The following SLCO1A2 variants were observed in gnomAD, a reference collection of about 807,000 sequenced individuals.
The protein encoded by SLCO1A2 is solute carrier organic anion transporter family member 1A2.
Under a neutral mutation model 69.0 loss-of-function variants are expected in SLCO1A2, and 67 were observed. That is an observed-to-expected ratio of 0.97 (90% CI 0.80 to 1.19). The LOEUF is 1.19. SLCO1A2 is among the 50% of genes most tolerant of loss of function. The pLI is 0.00. For missense variants in SLCO1A2, 787 were observed against 793.7 expected (o/e 0.99, Z 0.10); for synonymous variants, 260 against 265.9 (o/e 0.98, Z 0.22).
intron 2 of SLCO1A2, among the ~76,000 whole-genome samples, chr12:21,330,030 T>C (rs10743411): frequency 0.31 from 47,809 of 151,888 alleles, 7,667 homozygotes; most frequent in East Asian, 0.35. Flanking sequence ...AAAGCACTTA[T>C]TTTTCTTTTA....
At chr12:21,361,328 C>T (rs1591880504) in intron 2 of SLCO1A2, among the ~76,000 whole-genome samples, 1 of 152,334 alleles carries the variant, frequency 6.6e-6, no homozygotes, top group African/African-American at 2.4e-5. Flanking sequence ...AGGGTCCTGA[C>T]TGTTAGAAGG....
chr12:21,374,042 GTTA>G (rs1940002788), intron 2 of SLCO1A2, among the ~76,000 whole-genome samples: 1 of 152,096 alleles, frequency 6.6e-6, no homozygotes, highest in South Asian at 2.1e-4. Flanking sequence ...TTTATAAAAA[GTTA>G]TTCTTCTTAT....
intron 1 of SLCO1A2, among the ~76,000 whole-genome samples, chr12:21,382,806 A>G (rs376617769): frequency 9.2e-5 from 14 of 151,748 alleles, no homozygotes; most frequent in South Asian, 2.1e-4. Flanking sequence ...AAAAAAAAAA[A>G]AAAGAAAGAA....
chr12:21,381,440 G>A (rs1414186444), intron 1 of SLCO1A2, among the ~76,000 whole-genome samples: 1 of 152,046 alleles, frequency 6.6e-6, no homozygotes, highest in African/African-American at 2.4e-5. Context: ...AATCATCAGG[G>A]AAATGCAAAT....
Position 21,275,378 on chromosome 12 carries a change from A to T in SLCO1A2, c.1657T>A (p.Phe553Ile), listed in dbSNP as rs749254239. Residue 553 changes from phenylalanine to isoleucine, a missense_variant, in exon 13 of 15, where the codon TTT becomes ATT. By Grantham distance (21) the Phe-to-Ile change is conservative (BLOSUM62 0). Transcript: ENST00000683939. ...EKSLGVGLHT[F>I]CTRVFAGIPA... ...TTTTTACCAAATACTCTTGTGCAAA[A>T]TGTATGTAATCCCACACCAAGGGAC... 6.4e-7 allele frequency: 1 copy of T among 1,561,442 alleles called. No individual in the cohort carries two copies. The highest frequency in any genetic ancestry group is 1.2e-5 in the South Asian group (1 of 84,248).
chr12:21,316,233 C>T (rs1950845737), intron 3 of SLCO1A2, among the ~76,000 whole-genome samples: 1 of 152,164 alleles, frequency 6.6e-6, no homozygotes, highest in African/African-American at 2.4e-5. Context: ...CAGGGCACTG[C>T]CATTTTCTTC....
chr12:21,311,997 AGG>A (rs1950237516), intron 4 of SLCO1A2, among the ~76,000 whole-genome samples: 1 of 151,206 alleles, frequency 6.6e-6, no homozygotes, highest in Non-Finnish European at 1.5e-5. Context: ...GAAGAGGAGG[AGG>A]AGGAGAAGAA....
intron 2 of SLCO1A2, among the ~76,000 whole-genome samples, chr12:21,365,179 G>T (rs562633474): frequency 6.6e-6 from 1 of 152,238 alleles, no homozygotes. Context: ...AAACAGCATG[G>T]TACTGGTACC....
chr12:21,314,425 A>G, intron 4 of SLCO1A2, 124 bp downstream of exon 4: 2 of 996,092 alleles, frequency 2.0e-6, no homozygotes, highest in Admixed American at 2.2e-5. Flanking sequence ...CAGAATGTGC[A>G]TCTTCCCCTT....
At chr12:21,299,858 A>C (rs1476680777) in intron 8 of SLCO1A2, among the ~76,000 whole-genome samples, 1 of 128,948 alleles carries the variant, frequency 7.8e-6, no homozygotes, top group African/African-American at 3.0e-5. Context: ...ATACGTGTAT[A>C]TATATATACG....
chr12:21,350,588 G>C (rs967813460), intron 2 of SLCO1A2, among the ~76,000 whole-genome samples: 2 of 152,000 alleles, frequency 1.3e-5, no homozygotes, highest in Non-Finnish European at 2.9e-5. Flanking sequence ...TGTAATCCCA[G>C]CACTTTGGGA....
At position 21,293,968 on chromosome 12, in the gene SLCO1A2, A is replaced by G. The variant is rs377576084; in HGVS notation, c.1414T>C (p.Ser472Pro). 7.0e-4 allele frequency: 1,128 copies of G among 1,610,372 alleles called. 29 individuals carry two copies. In the South Asian group the frequency reaches 0.012, roughly 17 times the overall value. Residue 472 changes from serine to proline, a missense_variant, in exon 11 of 15, where the codon TCC (serine) becomes CCC (proline). Physicochemically the swap from Ser to Pro is moderately conservative, Grantham distance 74. Transcript: ENST00000683939. ...ACCATGTTTATTCCCGTTCCAATGG[A>G]TGTCTCACAACCAGCAAGACAAGCT... ...LSACLAGCET[S>P]IGTGINMVFQ... is the part of the protein sequence containing the mutation.
intron 14 of SLCO1A2, among the ~76,000 whole-genome samples, chr12:21,273,681 T>C (rs933570688): frequency 6.6e-6 from 1 of 152,110 alleles, no homozygotes. Context: ...ATACATAGCA[T>C]GTAGCTGAGC....
intron 14 of SLCO1A2, among the ~76,000 whole-genome samples, chr12:21,272,894 G>C (rs186293899): frequency 6.6e-6 from 1 of 152,104 alleles, no homozygotes; most frequent in Non-Finnish European, 1.5e-5. Flanking sequence ...AAATGTAAAG[G>C]TAATCAGAAG....
At chr12:21,343,620 T>C (rs1033284393) in intron 2 of SLCO1A2, among the ~76,000 whole-genome samples, 2 of 152,114 alleles carry the variant, frequency 1.3e-5, no homozygotes, top group Admixed American at 6.6e-5. Flanking sequence ...GAACATCTAT[T>C]TCTTATCTTA....
At chr12:21,382,901 A>G (rs1435600282) in intron 1 of SLCO1A2, among the ~76,000 whole-genome samples, 1 of 152,186 alleles carries the variant, frequency 6.6e-6, no homozygotes, top group African/African-American at 2.4e-5. Context: ...AAACTCAGGT[A>G]TATTGACTCT....
chr12:21,295,878 A>G (rs1947640192), intron 9 of SLCO1A2, 86 bp from the exon 10 acceptor site: 1 of 718,442 alleles, frequency 1.4e-6, no homozygotes, highest in Non-Finnish European at 2.3e-6. Context: ...TGCCTTATAT[A>G]AGTAACTATT....
chr12:21,371,054 G>A (rs1182838199), intron 2 of SLCO1A2, among the ~76,000 whole-genome samples: 1 of 152,216 alleles, frequency 6.6e-6, no homozygotes, highest in African/African-American at 2.4e-5. Flanking sequence ...GCAGCTTACG[G>A]CGGTTTTGCA....
intron 2 of SLCO1A2, among the ~76,000 whole-genome samples, chr12:21,354,009 A>C (rs1938170141): frequency 6.6e-6 from 1 of 152,248 alleles, no homozygotes; most frequent in East Asian, 1.9e-4. Flanking sequence ...AAAGTTACTT[A>C]ACCTCTCTAA....
Sources: allele counts gnomAD v4.1 joint callset (sites outside exome capture counted in the v4.1 genomes callset), GRCh38; gene constraint gnomAD v4.1.1; transcripts MANE v1.5; gene names NCBI Gene and HGNC (gene_info 2026-07-23, HGNC 2026-07-21).